FARP1: variants seen among roughly 807,000 people sequenced by gnomAD.
FARP1 encodes FERM, ARHGEF and pleckstrin domain-containing protein 1.
Under a neutral mutation model 128.8 loss-of-function variants are expected in FARP1, and 52 were observed. The observed-to-expected ratio is 0.40, with a 90% CI of 0.32 to 0.51. FARP1 has a LOEUF of 0.51. Ranked by LOEUF, FARP1 falls within the 20% of genes least tolerant of loss-of-function variation. The pLI, the probability that FARP1 is intolerant of heterozygous loss-of-function variation, is 0.45. For synonymous variants in FARP1, 580 were observed against 551.8 expected (o/e 1.05, Z -0.72); for missense variants, 1,333 against 1,367.9 (o/e 0.97, Z 0.40).
Position 98,409,493 on chromosome 13 carries a change from C to G in FARP1, c.1570C>G (p.Arg524Gly), listed in dbSNP as rs553250328. ...SPLLNDQACP[R>G]TDDEDEGRRK... Reference sequence around the variant, plus strand: ...GCTGCTGAATGACCAGGCCTGCCCCCGGACGGACGATGAGGATGAGGGCCG... The same window carrying G: ...GCTGCTGAATGACCAGGCCTGCCCCGGGACGGACGATGAGGATGAGGGCCG... The change falls in exon 14 of 27, where the codon CGG becomes GGG. Residue 524 changes from arginine (R) to glycine (G), a missense_variant. Arg to Gly is a moderately radical substitution (Grantham distance 125). Coordinates refer to ENST00000319562, the MANE Select transcript of FARP1 (RefSeq NM_005766.4). 1 of 1,612,986 alleles carries G rather than the reference C, an allele frequency of 6.2e-7. No individual in the cohort carries two copies. Among genetic ancestry groups the G allele is most frequent in the Non-Finnish European group, 8.5e-7 (1 of 1,179,554 alleles).
intron 2 of FARP1, among the ~76,000 whole-genome samples, chr13:98,280,103 C>T (rs1320020785): frequency 2.0e-5 from 3 of 152,146 alleles, no homozygotes; most frequent in Non-Finnish European, 4.4e-5. Context: ...CTGCAGTGCC[C>T]GTGGCTCCCC....
At chr13:98,303,798 G>T (rs1886019054) in intron 2 of FARP1, among the ~76,000 whole-genome samples, 1 of 152,298 alleles carries the variant, frequency 6.6e-6, no homozygotes, top group South Asian at 2.1e-4. Flanking sequence ...GGTTGGAAAG[G>T]GCTTTAAAGG....
intron 17 of FARP1, among the ~76,000 whole-genome samples, chr13:98,426,210 G>C (rs543772768): frequency 1.6e-4 from 25 of 152,264 alleles, no homozygotes; most frequent in Admixed American, 1.2e-3. Flanking sequence ...TATCTCAGCC[G>C]GGTGTGGTGG....
At chr13:98,339,325 G>A (rs555523694) in intron 2 of FARP1, among the ~76,000 whole-genome samples, 1 of 152,214 alleles carries the variant, frequency 6.6e-6, no homozygotes, top group South Asian at 2.1e-4. Flanking sequence ...GAGCCCAAAG[G>A]GGGAGGTGCC....
At chr13:98,424,494 T>A (rs879583234) in intron 16 of FARP1, 78 bp from the exon 17 acceptor site, 15 of 888,180 alleles carry the variant, frequency 1.7e-5, no homozygotes, top group Non-Finnish European at 2.7e-5. Flanking sequence ...AAGGAAGCGG[T>A]AGGCTGATAT....
chr13:98,367,682 A>G (rs1447479360), intron 4 of FARP1, among the ~76,000 whole-genome samples: 1 of 152,156 alleles, frequency 6.6e-6, no homozygotes, highest in African/African-American at 2.4e-5. Context: ...TCAGAAGAGC[A>G]CCTAGAGGCT....
At chr13:98,200,387 A>ACC (rs34861204) in intron 1 of FARP1, among the ~76,000 whole-genome samples, 2,099 of 127,294 alleles carry the variant, frequency 0.016, 108 homozygotes, top group South Asian at 0.023. Context: ...TGCAACCTTC[A>ACC]CCCCCCCCCC....
chr13:98,351,378 C>T (rs988466787), intron 3 of FARP1, among the ~76,000 whole-genome samples: 19 of 152,066 alleles, frequency 1.2e-4, no homozygotes, highest in African/African-American at 3.6e-4. Context: ...TTTGCGAGGC[C>T]GAGGCAGGCA....
chr13:98,329,657 G>A (rs1887401319), intron 2 of FARP1: 2 of 152,284 alleles, frequency 1.3e-5, no homozygotes, highest in South Asian at 2.1e-4. Context: ...GCAAGACTCT[G>A]TCTCAAATAT....
chr13:98,231,747 C>G (rs929357271), intron 2 of FARP1, among the ~76,000 whole-genome samples: 5 of 152,226 alleles, frequency 3.3e-5, no homozygotes, highest in Non-Finnish European at 7.4e-5. Context: ...TTTTGGAGTT[C>G]AGATTTACAA....
At chr13:98,383,250 T>A (rs1010714221) in intron 6 of FARP1, among the ~76,000 whole-genome samples, 7 of 152,224 alleles carry the variant, frequency 4.6e-5, no homozygotes, top group Non-Finnish European at 1.5e-5. Context: ...CATATAACGA[T>A]GGCAGTATGA....
Position 98,343,804 on chromosome 13 carries a change from C to A in FARP1, c.214C>A (p.His72Asn). Residue 72 changes from histidine (H) to asparagine (N), a missense_variant, in exon 3 of 27, where the codon CAC (histidine) becomes AAC (asparagine). Physicochemically the swap from His to Asn is moderately conservative, Grantham distance 68. Around this residue, in one of 2 missense-constraint regions of FARP1, gnomAD observed 324 missense variants for 398.1 expected, o/e 0.81. Transcript: ENST00000319562. ...GKVLLDAVCN[H>N]LNLVEGDYFG... ...GGTGCTGCTGGATGCAGTTTGCAACCACCTCAACCTCGTGGAAGGTGACTA... is the reference window on the plus strand; with the variant it reads ...GGTGCTGCTGGATGCAGTTTGCAACAACCTCAACCTCGTGGAAGGTGACTA... 6.2e-7 allele frequency: 1 copy of A among 1,614,144 alleles called. No homozygotes were observed. Among genetic ancestry groups the A allele is most frequent in the Non-Finnish European group, 8.5e-7 (1 of 1,179,990 alleles).
At chr13:98,167,953 A>G (rs1343298602) in intron 1 of FARP1, among the ~76,000 whole-genome samples, 2 of 151,538 alleles carry the variant, frequency 1.3e-5, no homozygotes, top group African/African-American at 4.8e-5. Context: ...TGGGTGGATC[A>G]CGAGGTCAGG....
rs766281656 is a variant in FARP1 at position 98,390,821 on chromosome 13, T to A, written c.1029T>A (p.Thr343=). The A allele has an allele frequency of 7.4e-6, 12 of 1,613,178 alleles. No individual in the cohort carries two copies. In the Admixed American group the frequency reaches 1.8e-4, roughly 25 times the overall value. Reference sequence around the variant, plus strand: ...GTGGTCTCTGTTTCAGTGGTCGGACTCAGAAGCAGGTTCTCGACTATGTTA... The same window carrying A: ...GTGGTCTCTGTTTCAGTGGTCGGACACAGAAGCAGGTTCTCGACTATGTTA... ...RGSSFRFSGR[T]QKQVLDYVKE... is the part of the protein sequence containing the mutation. Residue 343 remains threonine (T), a synonymous_variant, in exon 11 of 27, where the codon ACT becomes ACA. Transcript: ENST00000319562.
chr13:98,268,270 C>T (rs1884222069), intron 2 of FARP1, among the ~76,000 whole-genome samples: 1 of 152,064 alleles, frequency 6.6e-6, no homozygotes, highest in Admixed American at 6.5e-5. Context: ...ACCAAGTGGA[C>T]CACAAAGCTG....
intron 12 of FARP1, among the ~76,000 whole-genome samples, chr13:98,395,012 G>C (rs1365328814): frequency 1.3e-5 from 2 of 152,152 alleles, no homozygotes; most frequent in Non-Finnish European, 2.9e-5. Context: ...GTGCTGCCGG[G>C]AACAGTGCTG....
intron 2 of FARP1, among the ~76,000 whole-genome samples, chr13:98,264,964 CTG>C (rs1408666268): frequency 6.6e-6 from 1 of 152,188 alleles, no homozygotes; most frequent in Non-Finnish European, 1.5e-5. Flanking sequence ...ACCTTACAAA[CTG>C]TATTCTTAGT....
intron 1 of FARP1, among the ~76,000 whole-genome samples, chr13:98,160,366 A>G (rs1041729482): frequency 6.6e-6 from 1 of 152,062 alleles, no homozygotes; most frequent in Admixed American, 6.6e-5. Context: ...TTGCTACTGG[A>G]TGACTTGGGT....
At chr13:98,285,693 C>T (rs1444551507) in intron 2 of FARP1, among the ~76,000 whole-genome samples, 1 of 152,260 alleles carries the variant, frequency 6.6e-6, no homozygotes, top group Non-Finnish European at 1.5e-5. Flanking sequence ...AAACGACTCT[C>T]TTCCTTTATG....
Sources: gnomAD v4.1 joint callset for allele counts (sites outside exome capture counted in the v4.1 genomes callset) on GRCh38, gnomAD v4.1.1 for gene constraint, gnomAD v4.1.1 regional missense constraint, MANE v1.5 for transcripts, NCBI Gene and HGNC (gene_info 2026-07-23, HGNC 2026-07-21) for gene names.